The following RAB31 variants were observed in gnomAD, a reference collection of about 807,000 sequenced individuals.
RAB31 encodes the protein ras-related protein Rab-31.
In RAB31, 21 loss-of-function variants were observed where a neutral mutation model predicts 25.6. The observed-to-expected ratio is 0.82, with a 90% CI of 0.58 to 1.18. The LOEUF is 1.18. RAB31 is among the 50% of genes most tolerant of loss of function. RAB31 has a pLI of 0.00. For synonymous variants in RAB31, 87 were observed against 84.0 expected (o/e 1.04, Z -0.20); for missense variants, 196 against 250.1 (o/e 0.78, Z 1.46).
chr18:9,709,471 A>C (rs1242946556), intron 1 of RAB31, among the ~76,000 whole-genome samples: 1 of 152,222 alleles, frequency 6.6e-6, no homozygotes, highest in Non-Finnish European at 1.5e-5. Context: ...TCTTGTGCGA[A>C]CTGATCTGTC....
intron 5 of RAB31, among the ~76,000 whole-genome samples, chr18:9,821,062 G>A (rs1413690635): frequency 6.6e-6 from 1 of 151,954 alleles, no homozygotes; most frequent in Non-Finnish European, 1.5e-5. Flanking sequence ...CATCTCATAG[G>A]TTTTGATATG....
At chr18:9,794,775 A>G (rs2068478472) in intron 3 of RAB31, among the ~76,000 whole-genome samples, 1 of 152,180 alleles carries the variant, frequency 6.6e-6, no homozygotes, top group African/African-American at 2.4e-5. Context: ...AGATCATGCT[A>G]CTGCACTCCA....
rs201678468 is a variant in RAB31, at chr18:9,815,204, G to A, written c.362G>A (p.Cys121Tyr). 473 of 1,551,364 alleles carry A rather than the reference G, an allele frequency of 3.0e-4. 1 individual carries two copies. The highest frequency in any genetic ancestry group is 7.4e-4 in the South Asian group (62 of 84,192). Residue 121 changes from cysteine (C) to tyrosine (Y), a missense_variant, in exon 5 of 7, where the codon TGC becomes TAC. Physicochemically the swap from Cys to Tyr is radical, Grantham distance 194. Coordinates refer to ENST00000578921, the MANE Select transcript of RAB31 (RefSeq NM_006868.4). ...GTAATGGCCATCGCTGGAAACAAGT[G>A]CGACCTCTCAGATATTAGGTAAGAT... ...NIVMAIAGNK[C>Y]DLSDIREVPL...
chr18:9,740,264 C>T (rs1368757914), intron 1 of RAB31, among the ~76,000 whole-genome samples: 2 of 152,152 alleles, frequency 1.3e-5, no homozygotes, highest in African/African-American at 2.4e-5. Flanking sequence ...TTCCTTTGTT[C>T]CTTCCTCTAT....
At chr18:9,744,565 A>G (rs1330168488) in intron 1 of RAB31, among the ~76,000 whole-genome samples, 6 of 152,206 alleles carry the variant, frequency 3.9e-5, no homozygotes, top group African/African-American at 9.6e-5. Context: ...TATGGTCCCT[A>G]TTAAAAATAA....
chr18:9,763,257 A>G (rs970629614), intron 1 of RAB31, among the ~76,000 whole-genome samples: 3 of 152,152 alleles, frequency 2.0e-5, no homozygotes, highest in Non-Finnish European at 4.4e-5. Flanking sequence ...GCCTAATCAA[A>G]CATGATCAGA....
chr18:9,728,649 T>C (rs1312589203), intron 1 of RAB31, among the ~76,000 whole-genome samples: 1 of 152,186 alleles, frequency 6.6e-6, no homozygotes, highest in African/African-American at 2.4e-5. Flanking sequence ...GCGATTCTCA[T>C]GCCTCAGCCT....
intron 6 of RAB31, among the ~76,000 whole-genome samples, chr18:9,847,341 T>C (rs1256503950): frequency 6.6e-6 from 1 of 152,176 alleles, no homozygotes; most frequent in African/African-American, 2.4e-5. Context: ...CAGCCCCGCG[T>C]CTTCCGCAGA....
At chr18:9,854,540 T>C (rs1476008804) in intron 6 of RAB31, among the ~76,000 whole-genome samples, 2 of 152,208 alleles carry the variant, frequency 1.3e-5, no homozygotes, top group African/African-American at 2.4e-5. Context: ...ACCTAACCCC[T>C]GACCTGGGCT....
chr18:9,722,182 A>G (rs1432499822), intron 1 of RAB31, among the ~76,000 whole-genome samples: 1 of 152,116 alleles, frequency 6.6e-6, no homozygotes, highest in Non-Finnish European at 1.5e-5. Flanking sequence ...ATTTCCTTGG[A>G]ATCAAGTGAG....
At chr18:9,719,644 A>G (rs77038265) in intron 1 of RAB31, among the ~76,000 whole-genome samples, 8,982 of 151,704 alleles carry the variant, frequency 0.059, 351 homozygotes, top group African/African-American at 0.11. Context: ...TTTTAGGACC[A>G]ATGTCAACCT....
At chr18:9,797,097 T>C (rs1267037761) in intron 3 of RAB31, among the ~76,000 whole-genome samples, 3 of 152,238 alleles carry the variant, frequency 2.0e-5, no homozygotes, top group African/African-American at 7.2e-5. Flanking sequence ...GGGGCACCTC[T>C]TTAACTCCAT....
intron 1 of RAB31, among the ~76,000 whole-genome samples, chr18:9,733,680 C>T (rs1449319516): frequency 1.3e-5 from 2 of 152,140 alleles, no homozygotes; most frequent in Admixed American, 6.5e-5. Context: ...GCTGGGACCA[C>T]GGCCTTGGTT....
intron 2 of RAB31, among the ~76,000 whole-genome samples, chr18:9,791,251 A>G (rs1366165297): frequency 6.6e-6 from 1 of 152,160 alleles, no homozygotes; most frequent in East Asian, 1.9e-4. Flanking sequence ...TAAGACCAAA[A>G]ACATTACATG....
chr18:9,785,010 G>A (rs1599037347), intron 2 of RAB31: 1 of 152,212 alleles, frequency 6.6e-6, no homozygotes, highest in Non-Finnish European at 1.5e-5. Flanking sequence ...AGATCACAAG[G>A]GGTGGTCACA....
At chr18:9,823,580 G>T (rs1243269337) in intron 5 of RAB31, among the ~76,000 whole-genome samples, 1 of 151,896 alleles carries the variant, frequency 6.6e-6, no homozygotes, top group African/African-American at 2.4e-5. Context: ...CGAATCTACG[G>T]TTATCTCAGT....
intron 1 of RAB31, among the ~76,000 whole-genome samples, chr18:9,741,377 A>AAAC (rs1491133994): frequency 1.6e-5 from 1 of 64,296 alleles, no homozygotes; most frequent in Non-Finnish European, 2.9e-5. Context: ...ACTCCGTCTC[A>AAAC]AAAAAAAAAA....
At chr18:9,714,616 C>A (rs527319800) in intron 1 of RAB31, among the ~76,000 whole-genome samples, 93 of 152,346 alleles carry the variant, frequency 6.1e-4, no homozygotes, top group African/African-American at 2.2e-3. Context: ...TTGGTGTTTG[C>A]ATGCCTGTGC....
chr18:9,765,510 C>T (rs2068311423), intron 1 of RAB31, among the ~76,000 whole-genome samples: 1 of 152,152 alleles, frequency 6.6e-6, no homozygotes, highest in South Asian at 2.1e-4. Context: ...GCTTTTATGG[C>T]ACCTTATTTT....
Sources: gnomAD v4.1 joint callset for allele counts (sites outside exome capture counted in the v4.1 genomes callset) on GRCh38, gnomAD v4.1.1 for gene constraint, MANE v1.5 for transcripts, NCBI Gene and HGNC (gene_info 2026-07-23, HGNC 2026-07-21) for gene names.